The following SLC12A5 variants were observed in gnomAD, a reference collection of about 807,000 sequenced individuals.
SLC12A5 encodes the protein K-Cl cotransporter 2.
Under a neutral mutation model 124.0 loss-of-function variants are expected in SLC12A5, and 18 were observed. The ratio of observed to expected loss-of-function variants is 0.15; its 90% CI spans 0.10 to 0.22. SLC12A5 has a LOEUF of 0.22. Among genes scored for constraint, SLC12A5 ranks in the 10% least tolerant of loss-of-function variants. SLC12A5 has a pLI of 1.00. For synonymous variants in SLC12A5, 589 were observed against 568.0 expected (o/e 1.04, Z -0.53); for missense variants, 867 against 1,478.7 (o/e 0.59, Z 6.78).
At position 46,057,269 on chromosome 20, in the gene SLC12A5, T is replaced by C; in HGVS notation, c.3225T>C (p.Pro1075=). 1 of 1,614,198 alleles carries C rather than the reference T, an allele frequency of 6.2e-7. No homozygotes were observed. Among genetic ancestry groups the C allele is most frequent in the Non-Finnish European group, 8.5e-7 (1 of 1,180,022 alleles). ...CCAAGCTTGTTTTGCTCAACATGCC[T>C]GGGCCTCCCCGCAACCGCAATGGTG... ...RDAKLVLLNM[P]GPPRNRNGDE... The change falls in exon 25 of 26, where the codon CCT becomes CCC. Residue 1075 remains proline (P), a synonymous_variant. Coordinates refer to ENST00000243964, the MANE Select transcript of SLC12A5 (RefSeq NM_020708.5). The surrounding 1 kb of genome is among the most constrained non-coding windows in gnomAD (Gnocchi z 7.1).
At chr20:46,029,012 T>G, upstream of SLC12A5, 17 of 619,380 alleles carry the variant, frequency 2.7e-5, no homozygotes, top group East Asian at 6.0e-5. Context: ...ATCCCCCAGT[T>G]TTTGTGCAAG....
chr20:46,037,310 C>T lies in SLC12A5; in HGVS notation c.537C>T (p.Ala179=), dbSNP rs200444155. The part of the protein sequence containing the change: ...SRSLGPEFGG[A]VGLCFYLGTT... ...CTCTGGGCCCAGAGTTTGGGGGTGCCGTGGGCCTCTGCTTCTACCTGGGCA... is the reference window on the plus strand; with the variant it reads ...CTCTGGGCCCAGAGTTTGGGGGTGCTGTGGGCCTCTGCTTCTACCTGGGCA... Residue 179 remains alanine (A), a synonymous_variant, in exon 6 of 26, where the codon GCC becomes GCT. Transcript: ENST00000243964. 1.2e-5 allele frequency: 20 copies of T among 1,612,676 alleles called. No homozygotes were observed. Among genetic ancestry groups the T allele is most frequent in the African/African-American group, 5.3e-5 (4 of 74,788 alleles).
intron 8 of SLC12A5, among the ~76,000 whole-genome samples, chr20:46,041,926 C>CGGG (rs560393937): frequency 0.018 from 2,670 of 150,792 alleles, 95 homozygotes; most frequent in Admixed American, 0.095. Context: ...AGAGAATGCC[C>CGGG]GGGGGGGGAG....
At chr20:46,050,834 G>A (rs966094148) in intron 17 of SLC12A5, among the ~76,000 whole-genome samples, 5 of 152,236 alleles carry the variant, frequency 3.3e-5, no homozygotes, top group African/African-American at 9.6e-5. Flanking sequence ...TGCTGTTAGA[G>A]TTAATAACAT....
intron 1 of SLC12A5, among the ~76,000 whole-genome samples, chr20:46,031,707 C>G (rs964915037): frequency 5.3e-5 from 8 of 152,180 alleles, no homozygotes; most frequent in Admixed American, 3.9e-4. Context: ...TAGCCTGCGC[C>G]GCTCGCCTGT....
Position 46,049,718 on chromosome 20 carries a change from C to T in SLC12A5, c.2109C>T (p.Gly703=), listed in dbSNP as rs1568866002. The T allele has an allele frequency of 6.2e-7, 1 of 1,604,696 alleles. No individual in the cohort carries two copies. Among genetic ancestry groups the T allele is most frequent in the Non-Finnish European group, 8.5e-7 (1 of 1,176,308 alleles). ...SLTSQLKAGK[G]LTIVGSVLEG... is the part of the protein sequence containing the mutation. The stretch of plus-strand genomic sequence containing the variant: ...CCTCCCAGCTGAAGGCGGGGAAGGG[C>T]CTGACCATCGTGGGCTCTGTCCTTG... Residue 703 remains glycine, a synonymous_variant, in exon 17 of 26, where the codon GGC becomes GGT. Transcript: ENST00000243964.
chr20:46,036,533 C>T (rs1372462865), intron 4 of SLC12A5: 1 of 472,224 alleles, frequency 2.1e-6, no homozygotes, highest in Non-Finnish European at 3.9e-6. Flanking sequence ...CTGTGGCTTG[C>T]TTGGGCTCCT....
chr20:46,029,052 T>C (rs1301368311), upstream of SLC12A5: 2 of 1,114,686 alleles, frequency 1.8e-6, no homozygotes, highest in Non-Finnish European at 2.3e-6. Flanking sequence ...TGCCCGCCCC[T>C]CATCTTCTCT....
chr20:46,053,619 G>A lies in SLC12A5; in HGVS notation c.2589G>A (p.Gln863=). 1 of 1,614,080 alleles carries A rather than the reference G, an allele frequency of 6.2e-7. No individual in the cohort carries two copies. Among genetic ancestry groups the A allele is most frequent in the Non-Finnish European group, 8.5e-7 (1 of 1,179,926 alleles). ...AGATGCGTATCTTCACTGTGGCCCA[G>A]ATGGATGACAATAGCATCCAGATGA... ...KCKMRIFTVA[Q]MDDNSIQMKK... The change falls in exon 20 of 26, where the codon CAG becomes CAA. Residue 863 remains glutamine, a synonymous_variant. Coordinates refer to ENST00000243964, the MANE Select transcript of SLC12A5 (RefSeq NM_020708.5). This position sits in a 1 kb window ranked among gnomAD's most constrained non-coding sequence, Gnocchi z 4.7.
intron 18 of SLC12A5, among the ~76,000 whole-genome samples, chr20:46,052,353 C>T (rs549297644): frequency 1.4e-4 from 21 of 152,358 alleles, no homozygotes; most frequent in African/African-American, 3.1e-4. Flanking sequence ...AGGAGGGCTA[C>T]GCATTGTTAT....
Position 46,041,353 on chromosome 20 carries a change from G to T in SLC12A5, c.879G>T (p.Thr293=). Reference sequence around the variant, plus strand: ...GGATCTGCCTCCTGGGTAACCGCACGCTGTCTCGCCATGGCTTTGATGTCT... The same window carrying T: ...GGATCTGCCTCCTGGGTAACCGCACTCTGTCTCGCCATGGCTTTGATGTCT... ...NFPICLLGNR[T]LSRHGFDVCA... is the part of the protein sequence containing the mutation. The change falls in exon 8 of 26, where the codon ACG becomes ACT. Residue 293 remains threonine (T), a synonymous_variant. Transcript: ENST00000243964. The T allele has an allele frequency of 6.2e-7, 1 of 1,614,074 alleles. No individual in the cohort carries two copies. Among genetic ancestry groups the T allele is most frequent in the East Asian group, 2.2e-5 (1 of 44,882 alleles).
intron 8 of SLC12A5, among the ~76,000 whole-genome samples, chr20:46,042,926 T>G (rs903460467): frequency 2.0e-5 from 3 of 152,104 alleles, no homozygotes; most frequent in Non-Finnish European, 4.4e-5. Context: ...TAGATTGGAC[T>G]GTTTGATGGT....
At chr20:46,044,882 T>C in intron 11 of SLC12A5, 84 bp from the exon 12 acceptor site, 2 of 1,490,524 alleles carry the variant, frequency 1.3e-6, no homozygotes, top group Non-Finnish European at 1.9e-6. Flanking sequence ...AGGCACACAG[T>C]TGGTTCTGTA....
At chr20:46,029,885 TGTGTGCGC>T (rs762637155) in intron 1 of SLC12A5, among the ~76,000 whole-genome samples, 2,843 of 67,114 alleles carry the variant, frequency 0.042, 44 homozygotes, top group Middle Eastern at 0.07. Context: ...TGTGTGTGTG[TGTGTGCGC>T]GCGCGTGCGT....
At chr20:46,024,644 G>C (rs1045501136), upstream of SLC12A5, among the ~76,000 whole-genome samples, 1 of 152,204 alleles carries the variant, frequency 6.6e-6, no homozygotes, top group South Asian at 2.1e-4. Context: ...AGTGGGGTTT[G>C]CCACTTGGGG....
At position 46,043,667 on chromosome 20, in the gene SLC12A5, G is replaced by C; in HGVS notation, c.1272G>C (p.Leu424=). Residue 424 remains leucine (L), a synonymous_variant, in exon 10 of 26, where the codon CTG becomes CTC. Coordinates refer to ENST00000243964, the MANE Select transcript of SLC12A5 (RefSeq NM_020708.5). ...IMAGSNRSGD[L]RDAQKSIPTG... is the part of the protein sequence containing the mutation. ...CTGGTTCTAACCGCTCTGGGGACCTGAGGGATGCCCAGAAGTCAATCCCCA... is the reference window on the plus strand; with the variant it reads ...CTGGTTCTAACCGCTCTGGGGACCTCAGGGATGCCCAGAAGTCAATCCCCA... The C allele has an allele frequency of 6.2e-7, 1 of 1,614,156 alleles. No homozygotes were observed. The highest frequency in any genetic ancestry group is 8.5e-7 in the Non-Finnish European group (1 of 1,180,030).
intron 1 of SLC12A5, 131 bp downstream of exon 1, chr20:46,029,527 T>C (rs2084426855): frequency 1.0e-6 from 1 of 989,564 alleles, no homozygotes; most frequent in African/African-American, 1.7e-5. Flanking sequence ...GGGCGCCAGT[T>C]GCAGCCTGGA....
At chr20:46,048,888 T>C (rs2084624077) in intron 16 of SLC12A5, among the ~76,000 whole-genome samples, 1 of 149,096 alleles carries the variant, frequency 6.7e-6, no homozygotes, top group Non-Finnish European at 1.5e-5. Context: ...AGGGGGAAAT[T>C]GGAGGTCAGA....
chr20:46,047,744 G>T (rs1261732944), intron 15 of SLC12A5, among the ~76,000 whole-genome samples, 171 bp downstream of exon 15: 2 of 150,664 alleles, frequency 1.3e-5, no homozygotes, highest in Non-Finnish European at 3.0e-5. Flanking sequence ...ATTGGAAGAT[G>T]GGGGGTGGGA....
Sources: allele counts gnomAD v4.1 joint callset (sites outside exome capture counted in the v4.1 genomes callset), GRCh38; gene constraint gnomAD v4.1.1; non-coding constraint Gnocchi (gnomAD v3.1); transcripts MANE v1.5; gene names NCBI Gene and HGNC (gene_info 2026-07-23, HGNC 2026-07-21).